The following SENP8 variants were observed in gnomAD, a reference collection of about 807,000 sequenced individuals.
SENP8 encodes the protein sentrin-specific protease 8.
Under a neutral mutation model 14.4 loss-of-function variants are expected in SENP8, and 10 were observed. That is an observed-to-expected ratio of 0.69 (90% CI 0.43 to 1.18). SENP8 has a LOEUF of 1.18. Among genes scored for constraint, SENP8 ranks in the 50% most tolerant of loss-of-function variants. SENP8 has a pLI of 0.00. For missense variants in SENP8, 202 were observed against 249.4 expected (o/e 0.81, Z 1.28); for synonymous variants, 94 against 95.5 (o/e 0.98, Z 0.09).
In SENP8 at chr15:72,139,830, A is replaced by G. The variant is rs745330530; in HGVS notation, c.207A>G (p.Ala69=). The change falls in exon 2 of 2, where the codon GCA becomes GCG. Residue 69 remains alanine, a synonymous_variant. Transcript: ENST00000340912. ...TCATCAAGTGCACTAGCAACCCAGC[A>G]GAGATTGCCATGTTCCTTGAACCAC... The part of the protein sequence containing the change: ...TQFIKCTSNP[A]EIAMFLEPLD... The G allele has an allele frequency of 6.2e-7, 1 of 1,614,242 alleles. No homozygotes were observed. The highest frequency in any genetic ancestry group is 1.7e-5 in the Admixed American group (1 of 60,022).
chr15:72,129,773 G>A (rs1314882288), intron 1 of SENP8, among the ~76,000 whole-genome samples: 1 of 151,028 alleles, frequency 6.6e-6, no homozygotes, highest in Non-Finnish European at 1.5e-5. Context: ...AGCCCAGGAG[G>A]TCAAGGCTGC....
chr15:72,126,816 C>T (rs921936513), intron 1 of SENP8, among the ~76,000 whole-genome samples: 3 of 152,216 alleles, frequency 2.0e-5, no homozygotes, highest in African/African-American at 7.2e-5. Flanking sequence ...AAGACTCCAT[C>T]ATCATATTTA....
intron 1 of SENP8, among the ~76,000 whole-genome samples, chr15:72,135,606 G>C (rs888947881): frequency 3.9e-5 from 6 of 152,172 alleles, no homozygotes; most frequent in African/African-American, 1.4e-4. Context: ...GGCAAAGGGT[G>C]GGTTTGGCTA....
chr15:72,118,022 T>C (rs2081067333), upstream of SENP8: 2 of 397,612 alleles, frequency 5.0e-6, no homozygotes, highest in Admixed American at 8.8e-5. Flanking sequence ...CGGGCTGTCC[T>C]GTACTCTCTC....
At chr15:72,123,672 C>T (rs1048276844) in intron 1 of SENP8, among the ~76,000 whole-genome samples, 1 of 152,002 alleles carries the variant, frequency 6.6e-6, no homozygotes, top group Non-Finnish European at 1.5e-5. Context: ...TCCCGAGTAG[C>T]TAGGATTACA....
rs1291037258 is a variant in SENP8 at position 72,139,957 on chromosome 15, A to T, written c.334A>T (p.Lys112Ter). 6.2e-7 allele frequency: 1 copy of T among 1,614,234 alleles called. No individual in the cohort carries two copies. The highest frequency in any genetic ancestry group is 8.5e-7 in the Non-Finnish European group (1 of 1,180,038). ...GAGTTTATTGGTCTACCTCCAAGATAAAAATAGCTTTTTTCATTATGATTC... is the reference window on the plus strand; with the variant it reads ...GAGTTTATTGGTCTACCTCCAAGATTAAAATAGCTTTTTTCATTATGATTC... ...HWSLLVYLQD[K>*]NSFFHYDSHS... Residue 112 changes from lysine (K) to a stop codon, truncating the protein, a stop_gained, in exon 2 of 2, where the codon AAA becomes TAA. Transcript: ENST00000340912. LOFTEE classifies it high-confidence loss of function.
chr15:72,116,823 C>A (rs1366396495), upstream of SENP8: 4 of 152,222 alleles, frequency 2.6e-5, no homozygotes, highest in Admixed American at 2.6e-4. Flanking sequence ...ACAGAACAGA[C>A]AAGACGAGGT....
At chr15:72,123,294 CTT>C (rs1425000273) in intron 1 of SENP8, among the ~76,000 whole-genome samples, 4 of 152,212 alleles carry the variant, frequency 2.6e-5, no homozygotes, top group African/African-American at 9.6e-5. Flanking sequence ...CCTTATCAGA[CTT>C]TGTTACCACA....
chr15:72,129,262 G>A (rs4238449), intron 1 of SENP8, among the ~76,000 whole-genome samples: 30,990 of 152,036 alleles, frequency 0.2, 3,345 homozygotes, highest in East Asian at 0.41. Flanking sequence ...AGGTGAGGTA[G>A]CTCACGCCTA....
intron 1 of SENP8, among the ~76,000 whole-genome samples, chr15:72,129,552 T>C (rs2081252452): frequency 1.3e-5 from 2 of 150,768 alleles, no homozygotes; most frequent in Admixed American, 1.3e-4. Flanking sequence ...TTTTTTTTTT[T>C]TTTTAGTAGA....
At chr15:72,118,216 A>C, upstream of SENP8, 1 of 342,388 alleles carries the variant, frequency 2.9e-6, no homozygotes, top group Non-Finnish European at 5.2e-6. Context: ...CCCGCACGTG[A>C]CGCCACTGGA....
At chr15:72,120,594 T>C (rs1567064948) in intron 1 of SENP8, among the ~76,000 whole-genome samples, 2 of 152,212 alleles carry the variant, frequency 1.3e-5, no homozygotes, top group Admixed American at 6.5e-5. Context: ...ATAGATTCAG[T>C]CTCAGAAAAA....
upstream of SENP8, chr15:72,118,217 C>A (rs925341618): frequency 4.0e-5 from 14 of 349,746 alleles, 1 homozygote; most frequent in Admixed American, 4.3e-4. Context: ...CCGCACGTGA[C>A]GCCACTGGAG....
chr15:72,118,089 A>ACCCCGCGCACGCGGCCCCG, upstream of SENP8: 1 of 391,628 alleles, frequency 2.6e-6, no homozygotes, highest in Non-Finnish European at 4.5e-6. Context: ...CGCGCCCCCG[A>ACCCCGCGCACGCGGCCCCG]CCCCGCGCAC....
chr15:72,131,466 G>GT (rs1220273841), intron 1 of SENP8, among the ~76,000 whole-genome samples: 1 of 152,152 alleles, frequency 6.6e-6, no homozygotes, highest in African/African-American at 2.4e-5. Flanking sequence ...CTATTGAATT[G>GT]TGAATTTTCC....
At chr15:72,131,705 G>A (rs1239259286) in intron 1 of SENP8, among the ~76,000 whole-genome samples, 1 of 152,150 alleles carries the variant, frequency 6.6e-6, no homozygotes. Context: ...CAGGGTTTGT[G>A]TATACTGACA....
intron 1 of SENP8, among the ~76,000 whole-genome samples, chr15:72,138,524 A>G (rs1436176918): frequency 1.3e-5 from 2 of 150,744 alleles, no homozygotes; most frequent in African/African-American, 4.9e-5. Flanking sequence ...TAATTTTTGT[A>G]TTTTTAGTAG....
intron 1 of SENP8, among the ~76,000 whole-genome samples, chr15:72,130,096 A>C (rs1295437065): frequency 6.6e-6 from 1 of 152,138 alleles, no homozygotes; most frequent in Non-Finnish European, 1.5e-5. Context: ...AGGCTGAGGC[A>C]GGAGAATCAC....
intron 1 of SENP8, among the ~76,000 whole-genome samples, chr15:72,138,692 G>A (rs2081350425): frequency 2.0e-5 from 3 of 151,322 alleles, no homozygotes; most frequent in Admixed American, 1.3e-4. Context: ...GCCAGGTGCG[G>A]TGGCTCACGC....
Sources: gnomAD v4.1 joint callset for allele counts (sites outside exome capture counted in the v4.1 genomes callset) on GRCh38, gnomAD v4.1.1 for gene constraint, MANE v1.5 for transcripts, NCBI Gene and HGNC (gene_info 2026-07-23, HGNC 2026-07-21) for gene names.